The following GRIN2B variants were observed in gnomAD, a reference collection of about 807,000 sequenced individuals.
The protein encoded by GRIN2B is glutamate ionotropic receptor NMDA type subunit 2B, also known as glutamate receptor ionotropic, NMDA 2B.
GRIN2B carries 5 observed loss-of-function variants against 114.5 expected under a neutral mutation model. The ratio of observed to expected loss-of-function variants is 0.04; its 90% CI spans 0.02 to 0.09. The LOEUF is 0.09. Ranked by LOEUF, GRIN2B falls within the 10% of genes least tolerant of loss-of-function variation. The pLI is 1.00. For missense variants in GRIN2B, 1,108 were observed against 1,943.5 expected, an observed-to-expected ratio of 0.57 and a Z score of 8.08; for synonymous variants, 787 against 745.1, an observed-to-expected ratio of 1.06 and a Z score of -0.92.
At chr12:13,935,148 G>A (rs1867104806) in intron 2 of GRIN2B, among the ~76,000 whole-genome samples, 1 of 152,128 alleles carries the variant, frequency 6.6e-6, no homozygotes, top group Admixed American at 6.5e-5. Flanking sequence ...ATTAACTTAG[G>A]GTTTTAAAGA....
At chr12:13,701,981 C>T (rs1182039657) in intron 4 of GRIN2B, among the ~76,000 whole-genome samples, 2 of 152,206 alleles carry the variant, frequency 1.3e-5, no homozygotes, top group Non-Finnish European at 2.9e-5. Flanking sequence ...CAGTATTTGT[C>T]AATTCAAACT....
chr12:13,682,115 T>A (rs1950136034), intron 4 of GRIN2B, among the ~76,000 whole-genome samples: 1 of 152,192 alleles, frequency 6.6e-6, no homozygotes. Flanking sequence ...CAGAAATTTC[T>A]GAATTTTTCC....
intron 3 of GRIN2B, among the ~76,000 whole-genome samples, chr12:13,767,922 T>C (rs1040542246): frequency 6.6e-6 from 1 of 152,186 alleles, no homozygotes. Flanking sequence ...TAAGTTTGTC[T>C]CTCCTTAATT....
chr12:13,821,576 G>A (rs1316482132), intron 3 of GRIN2B, among the ~76,000 whole-genome samples: 3 of 152,178 alleles, frequency 2.0e-5, no homozygotes, highest in African/African-American at 7.2e-5. Context: ...GAAGAAAAGT[G>A]CTACATAAAA....
At chr12:13,806,157 T>G (rs1356143216) in intron 3 of GRIN2B, among the ~76,000 whole-genome samples, 1 of 152,196 alleles carries the variant, frequency 6.6e-6, no homozygotes, top group Non-Finnish European at 1.5e-5. Context: ...TGACTCCATA[T>G]CTTGGCTACT....
At chr12:13,702,166 G>C (rs879276436) in intron 4 of GRIN2B, among the ~76,000 whole-genome samples, 4 of 152,074 alleles carry the variant, frequency 2.6e-5, no homozygotes, top group Non-Finnish European at 5.9e-5. Context: ...TTTCCCATAG[G>C]ACCTTAGCTT....
intron 4 of GRIN2B, among the ~76,000 whole-genome samples, chr12:13,717,475 C>T (rs1047752358): frequency 3.3e-5 from 5 of 151,866 alleles, no homozygotes; most frequent in African/African-American, 7.2e-5. Flanking sequence ...AAGAACTACC[C>T]GACAACACAG....
intron 2 of GRIN2B, among the ~76,000 whole-genome samples, chr12:13,902,710 C>T (rs1681170791): frequency 2.0e-5 from 3 of 152,252 alleles, no homozygotes; most frequent in South Asian, 2.1e-4. Flanking sequence ...ACTCAGAAGG[C>T]TGAGGCAGGA....
rs180867308 is a variant in GRIN2B at position 13,760,867 on chromosome 12, G to C, written c.412-6952C>G. Among the ~76,000 whole-genome samples the C allele has an allele frequency of 5.3e-3, 805 of 152,278 alleles. 18 individuals are homozygous for C. Among genetic ancestry groups the C allele is most frequent in the East Asian group, 2.5e-3 (13 of 5,186 alleles). The stretch of plus-strand genomic sequence containing the variant: ...CAAATCCTAAATGATCATCTCCTTT[G>C]ATGAGTAGAAATTCTGATACCACAC... On this transcript the variant is annotated intron_variant, in intron 3 of 13. Transcript: ENST00000609686.
At chr12:13,845,087 C>A (rs1022398752) in intron 3 of GRIN2B, among the ~76,000 whole-genome samples, 2 of 152,090 alleles carry the variant, frequency 1.3e-5, no homozygotes, top group African/African-American at 4.8e-5. Context: ...CTTCAGGGTG[C>A]CACATTTGGA....
chr12:13,726,671 T>C (rs919623787), intron 4 of GRIN2B, among the ~76,000 whole-genome samples: 1 of 151,576 alleles, frequency 6.6e-6, no homozygotes, highest in Non-Finnish European at 1.5e-5. Flanking sequence ...TTAAATTTAC[T>C]TTTTTATTTC....
intron 2 of GRIN2B, among the ~76,000 whole-genome samples, chr12:13,871,403 AATAACT>A (rs1865904177): frequency 6.6e-6 from 1 of 151,936 alleles, no homozygotes; most frequent in Admixed American, 6.5e-5. Flanking sequence ...CTTGTGATTA[AATAACT>A]ATAAGGTTAA....
rs552605228 is a variant in GRIN2B at position 13,738,873 on chromosome 12, G to A, written c.1010+14444C>T. On this transcript the variant is annotated intron_variant, in intron 4 of 13. Coordinates refer to ENST00000609686, the MANE Select transcript of GRIN2B (RefSeq NM_000834.5). The stretch of plus-strand genomic sequence containing the variant: ...TGCAGCTACATCAGAATGTGTGCTG[G>A]GTGGGGCCTTGGGGTCTGTATACAG... Among the ~76,000 whole-genome samples the A allele has an allele frequency of 3.9e-5, 6 of 152,268 alleles. No homozygotes were observed. In the South Asian group the frequency reaches 6.2e-4, roughly 16 times the overall value.
At chr12:13,654,608 T>C (rs2136520432) in intron 5 of GRIN2B, among the ~76,000 whole-genome samples, 1 of 152,242 alleles carries the variant, frequency 6.6e-6, no homozygotes, top group Non-Finnish European at 1.5e-5. Flanking sequence ...AATGGTTCTG[T>C]TTCCAACAAT....
intron 4 of GRIN2B, among the ~76,000 whole-genome samples, chr12:13,738,226 G>C (rs1049190504): frequency 1.3e-5 from 2 of 152,108 alleles, no homozygotes; most frequent in African/African-American, 4.8e-5. Context: ...TATAATAACA[G>C]TGTAGTAATA....
intron 3 of GRIN2B, among the ~76,000 whole-genome samples, chr12:13,766,394 C>A (rs1288500610): frequency 6.6e-6 from 1 of 152,156 alleles, no homozygotes; most frequent in Non-Finnish European, 1.5e-5. Context: ...CCAGTTCTCC[C>A]ACTAGTTTTG....
At chr12:13,687,187 C>T (rs553896008) in intron 4 of GRIN2B, among the ~76,000 whole-genome samples, 1 of 152,264 alleles carries the variant, frequency 6.6e-6, no homozygotes, top group East Asian at 1.9e-4. Context: ...TTTATAGCAA[C>T]ACAAAATAAA....
rs201145829 is a variant in GRIN2B at position 13,562,829 on chromosome 12, T to C, written c.4409A>G (p.Asn1470Ser). The change falls in exon 14 of 14, where the codon AAT becomes AGT. Residue 1470 changes from asparagine to serine, a missense_variant. Physicochemically the swap from Asn to Ser is conservative, Grantham distance 46. Coordinates refer to ENST00000609686, the MANE Select transcript of GRIN2B (RefSeq NM_000834.5). The part of the protein sequence containing the change: ...KNPRAFNGSS[N>S]GHVYEKLSSI... ...AGAAAGTTTCTCATAAACATGCCCA[T>C]TGCTGGAGCCATTGAAAGCCCTGGG... 6.2e-7 allele frequency: 1 copy of C among 1,614,146 alleles called. No individual in the cohort carries two copies. The highest frequency in any genetic ancestry group is 8.5e-7 in the Non-Finnish European group (1 of 1,179,978).
At chr12:13,949,652 G>A (rs961458575) in intron 2 of GRIN2B, among the ~76,000 whole-genome samples, 13 of 152,134 alleles carry the variant, frequency 8.5e-5, no homozygotes, top group African/African-American at 2.9e-4. Flanking sequence ...ACATAGCATC[G>A]TTAACAAACG....
Sources: gnomAD v4.1 joint callset for allele counts (sites outside exome capture counted in the v4.1 genomes callset) on GRCh38, gnomAD v4.1.1 for gene constraint, MANE v1.5 for transcripts, NCBI Gene and HGNC (gene_info 2026-07-23, HGNC 2026-07-21) for gene names.